Variants in SLX4IP observed in about 807,000 individuals in gnomAD.
SLX4IP encodes the protein SLX4 interacting protein, also known as protein SLX4IP.
A neutral mutation model predicts 32.9 loss-of-function variants in SLX4IP; 34 were observed. The observed-to-expected ratio is 1.03, with a 90% CI of 0.79 to 1.38. The LOEUF (loss-of-function observed/expected upper bound fraction) is 1.38. SLX4IP is among the 40% of genes most tolerant of loss of function. SLX4IP has a pLI of 0.00. For missense variants in SLX4IP, 444 were observed against 479.0 expected (o/e 0.93, Z 0.68); for synonymous variants, 172 against 171.7 (o/e 1.00, Z -0.01).
At chr20:10,480,149 T>A (rs757090896) in intron 2 of SLX4IP, among the ~76,000 whole-genome samples, 3 of 152,100 alleles carry the variant, frequency 2.0e-5, no homozygotes, top group Non-Finnish European at 4.4e-5. Flanking sequence ...ATCCCAGCAT[T>A]TGGGGGGCTG....
At chr20:10,607,056 A>T (rs2066913743) in intron 6 of SLX4IP, among the ~76,000 whole-genome samples, 1 of 151,922 alleles carries the variant, frequency 6.6e-6, no homozygotes, top group African/African-American at 2.4e-5. Flanking sequence ...AAACACTTGT[A>T]TTTTCTTCTG....
At chr20:10,465,443 A>G (rs1244430941) in intron 2 of SLX4IP, among the ~76,000 whole-genome samples, 1 of 152,232 alleles carries the variant, frequency 6.6e-6, no homozygotes, top group Non-Finnish European at 1.5e-5. Context: ...AAAGTCTGAA[A>G]TAAACACACT....
intron 4 of SLX4IP, among the ~76,000 whole-genome samples, chr20:10,587,634 A>C (rs1448195934): frequency 6.6e-6 from 1 of 152,164 alleles, no homozygotes; most frequent in Non-Finnish European, 1.5e-5. Flanking sequence ...ACAGAATAGC[A>C]CTGGCGTAAA....
Position 10,518,435 on chromosome 20 carries a change from CCTT to C in SLX4IP, c.28-37791_28-37789del, listed in dbSNP as rs1174485917. ...TCCTTCCTTCCTTCCCTCCCTCCCT[CCTT>C]CTTCCTTCCTTCCTTCCTTCCTTCC... On this transcript the variant is annotated intron_variant, in intron 2 of 7. Coordinates refer to ENST00000334534, the MANE Select transcript of SLX4IP (RefSeq NM_001009608.3). 9.7e-3 allele frequency among the ~76,000 whole-genome samples: 609 copies of C among 62,636 alleles called. 26 individuals carry two copies. The highest frequency in any genetic ancestry group is 0.025 in the African/African-American group (471 of 18,688). 41.1% of individuals were successfully genotyped at this position (62,636 alleles called of 152,430 possible). A position where few individuals can be genotyped will look rare whatever the true frequency, so the allele number is the denominator to read the frequency against.
chr20:10,469,220 C>T (rs2065404361), intron 2 of SLX4IP, among the ~76,000 whole-genome samples: 1 of 152,130 alleles, frequency 6.6e-6, no homozygotes, highest in South Asian at 2.1e-4. Flanking sequence ...TCATAGAGAA[C>T]AGGGAAGTCA....
At chr20:10,611,464 T>G (rs2066965473) in intron 6 of SLX4IP, among the ~76,000 whole-genome samples, 1 of 152,210 alleles carries the variant, frequency 6.6e-6, no homozygotes, top group African/African-American at 2.4e-5. Flanking sequence ...CAGATTCCAC[T>G]GTGTTGGCTT....
chr20:10,614,155 C>T (rs556697957), intron 6 of SLX4IP: 33 of 998,650 alleles, frequency 3.3e-5, no homozygotes, highest in Non-Finnish European at 4.8e-5. Flanking sequence ...TCGCGTTGCA[C>T]GCCCAGCACC....
chr20:10,565,543 G>C (rs1013586065), intron 4 of SLX4IP, among the ~76,000 whole-genome samples: 1 of 152,156 alleles, frequency 6.6e-6, no homozygotes, highest in Admixed American at 6.6e-5. Flanking sequence ...CCACCACAAG[G>C]CAAAACTAGA....
At chr20:10,563,545 A>T (rs1388064904) in intron 4 of SLX4IP, among the ~76,000 whole-genome samples, 2 of 152,102 alleles carry the variant, frequency 1.3e-5, no homozygotes, top group South Asian at 2.1e-4. Flanking sequence ...TTGGGTCTTA[A>T]ATTCAAGTCT....
intron 2 of SLX4IP, among the ~76,000 whole-genome samples, chr20:10,543,205 G>C (rs1415640802): frequency 5.9e-5 from 9 of 152,178 alleles, no homozygotes; most frequent in Admixed American, 3.9e-4. Context: ...TAATAGATTG[G>C]ATGTGTAATA....
intron 2 of SLX4IP, among the ~76,000 whole-genome samples, chr20:10,503,772 C>T (rs554212620): frequency 2.0e-5 from 3 of 152,214 alleles, no homozygotes; most frequent in African/African-American, 7.2e-5. Context: ...CTTGCCTCTT[C>T]TAGTTTTGGT....
At chr20:10,580,448 T>G (rs1397587442) in intron 4 of SLX4IP, among the ~76,000 whole-genome samples, 3 of 150,792 alleles carry the variant, frequency 2.0e-5, no homozygotes. Context: ...CTTGAGGATC[T>G]CCCTCCTCCC....
At chr20:10,528,172 C>T (rs953447457) in intron 2 of SLX4IP, among the ~76,000 whole-genome samples, 3 of 152,092 alleles carry the variant, frequency 2.0e-5, no homozygotes, top group African/African-American at 4.8e-5. Flanking sequence ...TGGTTTTAAG[C>T]TCCTAGAATT....
intron 4 of SLX4IP, among the ~76,000 whole-genome samples, chr20:10,588,236 T>A (rs2066666941): frequency 6.6e-6 from 1 of 152,160 alleles, no homozygotes; most frequent in Admixed American, 6.5e-5. Context: ...AACATATAAT[T>A]GTAAACAGGT....
At chr20:10,603,097 T>C (rs1405968795) in intron 6 of SLX4IP, among the ~76,000 whole-genome samples, 2 of 152,214 alleles carry the variant, frequency 1.3e-5, no homozygotes, top group Non-Finnish European at 2.9e-5. Context: ...GGCAATGCCA[T>C]TGGCATACAT....
intron 4 of SLX4IP, among the ~76,000 whole-genome samples, chr20:10,597,520 G>A (rs915926117): frequency 1.4e-4 from 21 of 152,172 alleles, no homozygotes; most frequent in Non-Finnish European, 2.2e-4. Flanking sequence ...TTTCACAGAT[G>A]GCATTTACTC....
At chr20:10,465,149 G>A (rs566155353) in intron 2 of SLX4IP, among the ~76,000 whole-genome samples, 1 of 152,278 alleles carries the variant, frequency 6.6e-6, no homozygotes, top group Admixed American at 6.5e-5. Context: ...GAAAGAAGTG[G>A]TAGCAGCAGG....
intron 2 of SLX4IP, among the ~76,000 whole-genome samples, chr20:10,518,390 C>CCTTCCTTT (rs1459369617): frequency 6.7e-5 from 8 of 119,880 alleles, no homozygotes; most frequent in Admixed American, 4.3e-4. Context: ...TTTCCTTCTT[C>CCTTCCTTT]CTTTCTTTCT....
rs1001757881 is a variant in SLX4IP, at chr20:10,523,031, A to C, written c.28-33200A>C. The stretch of plus-strand genomic sequence containing the variant: ...TAGCCTCTAAGTCTCCCGGCCCACT[A>C]TTCTTCCCTGCCTTTGCTTGACCTG... On this transcript the variant is annotated intron_variant, in intron 2 of 7. Transcript: ENST00000334534. 2.0e-5 allele frequency among the ~76,000 whole-genome samples: 3 copies of C among 152,196 alleles called. No homozygotes were observed. In the South Asian group the frequency reaches 6.2e-4, roughly 32 times the overall value.
Sources: allele counts gnomAD v4.1 joint callset (sites outside exome capture counted in the v4.1 genomes callset), GRCh38; gene constraint gnomAD v4.1.1; transcripts MANE v1.5; gene names NCBI Gene and HGNC (gene_info 2026-07-23, HGNC 2026-07-21).